Variants in HMCN2 observed in about 807,000 individuals in gnomAD.
HMCN2 encodes the protein hemicentin 2.
Under a neutral mutation model 377.5 loss-of-function variants are expected in HMCN2, and 325 were observed. The ratio of observed to expected loss-of-function variants is 0.86; its 90% CI spans 0.79 to 0.94. The LOEUF (loss-of-function observed/expected upper bound fraction) is 0.94, where lower values mean the gene tolerates loss of function less well. Among genes scored for constraint, HMCN2 ranks in the 40% least tolerant of loss-of-function variants. The pLI, the probability that HMCN2 is intolerant of heterozygous loss-of-function variation, is 0.00. For synonymous variants in HMCN2, 2,007 were observed against 2,046.8 expected (o/e 0.98, Z 0.53); for missense variants, 4,543 against 4,725.3 (o/e 0.96, Z 1.13).
At chr9:130,301,096 G>A (rs980613073) in intron 8 of HMCN2, among the ~76,000 whole-genome samples, 26 of 152,348 alleles carry the variant, frequency 1.7e-4, no homozygotes, top group Non-Finnish European at 1.5e-4. Flanking sequence ...GGCTGGCCAC[G>A]GTGCCCATCG....
Position 130,303,674 on chromosome 9 carries a change from A to C in HMCN2, c.1543+66A>C. On this transcript the variant is annotated intron_variant, in intron 10 of 97. Transcript: ENST00000683500. The surrounding 1 kb of genome is among the most constrained non-coding windows in gnomAD (Gnocchi z 5.2). ...CTCTTCTTGGGTTCTTACCCCTAGG[A>C]TTTCCTCCAGGCGAGTCTCCAGCCA... 1 of 207,726 alleles carries C rather than the reference A, an allele frequency of 4.8e-6. No homozygotes were observed. The highest frequency in any genetic ancestry group is 1.1e-5 in the Non-Finnish European group (1 of 88,818). 12.9% of individuals were successfully genotyped at this position (207,726 alleles called of 1,614,324 possible). A position where few individuals can be genotyped will look rare whatever the true frequency, so the allele number is the denominator to read the frequency against.
At position 130,365,737 on chromosome 9, in the gene HMCN2, T is replaced by G. The variant is rs188567219; in HGVS notation, c.6505+10T>G. 1.1e-5 allele frequency: 11 copies of G among 984,936 alleles called. No homozygotes were observed. Among genetic ancestry groups the G allele is most frequent in the Non-Finnish European group, 1.3e-5 (11 of 829,042 alleles). 61.0% of individuals were successfully genotyped at this position (984,936 alleles called of 1,614,324 possible). On this transcript the variant is annotated intron_variant, in intron 42 of 97. Coordinates refer to ENST00000683500, the MANE Select transcript of HMCN2 (RefSeq NM_001291815.2). ...AATCTGAACGTCTGGGGTGAGGGTC[T>G]CCCAGGCTGGGCAGGGGGAGGGGGC...
chr9:130,358,653 T>C (rs910267219), intron 36 of HMCN2, among the ~76,000 whole-genome samples, 167 bp downstream of exon 36: 1 of 151,440 alleles, frequency 6.6e-6, no homozygotes, highest in Non-Finnish European at 1.5e-5. Context: ...GTGTTAGCAA[T>C]AGCTGTGTAG....
At chr9:130,340,708 G>A (rs1199317434) in intron 23 of HMCN2, among the ~76,000 whole-genome samples, 3 of 152,120 alleles carry the variant, frequency 2.0e-5, no homozygotes, top group Non-Finnish European at 4.4e-5. Context: ...TAGTAGAGAT[G>A]GGTTTCGCCA....
intron 22 of HMCN2, among the ~76,000 whole-genome samples, chr9:130,330,961 C>G (rs1468412325): frequency 9.8e-6 from 1 of 101,908 alleles, no homozygotes; most frequent in Non-Finnish European, 2.0e-5. Flanking sequence ...AACCCTGTCT[C>G]TACTGAAACA....
At chr9:130,430,036 G>A (rs1588452048) in intron 94 of HMCN2, 2 of 602,266 alleles carry the variant, frequency 3.3e-6, no homozygotes, top group Admixed American at 6.0e-5. Context: ...CTGAAGGGCT[G>A]AGGGGGAGCT....
At chr9:130,355,900 C>G in intron 33 of HMCN2, 46 bp downstream of exon 33, 19 of 1,162,878 alleles carry the variant, frequency 1.6e-5, no homozygotes, top group Non-Finnish European at 2.2e-5. Context: ...AGGCAGAGAG[C>G]GTGTGCTTTG....
At chr9:130,302,133 C>T (rs535990707) in intron 8 of HMCN2, among the ~76,000 whole-genome samples, 16 of 151,976 alleles carry the variant, frequency 1.1e-4, no homozygotes, top group African/African-American at 3.9e-4. Flanking sequence ...TCTCCGCCTC[C>T]CGGATCCCAG....
At chr9:130,368,729 T>G (rs1588325425) in intron 44 of HMCN2, among the ~76,000 whole-genome samples, 1 of 151,890 alleles carries the variant, frequency 6.6e-6, no homozygotes, top group Admixed American at 6.6e-5. Flanking sequence ...ACGCCTTACA[T>G]GTCGGCAGGA....
intron 4 of HMCN2, among the ~76,000 whole-genome samples, chr9:130,292,356 C>T (rs782293122): frequency 2.0e-5 from 3 of 152,172 alleles, no homozygotes; most frequent in Non-Finnish European, 4.4e-5. Context: ...GGACTCTTGC[C>T]TGAAATGATA....
chr9:130,372,456 T>C (rs1841075785), intron 47 of HMCN2, 49 bp downstream of exon 47: 3 of 741,700 alleles, frequency 4.0e-6, no homozygotes, highest in Admixed American at 6.3e-5. Context: ...TCTTCCCCAC[T>C]GCCTGGGAGC....
chr9:130,425,125 G>C lies in HMCN2; in HGVS notation c.13636G>C (p.Val4546Leu). Residue 4546 changes from valine to leucine, a missense_variant, in exon 89 of 98, where the codon GTG becomes CTG. Coordinates refer to ENST00000683500, the MANE Select transcript of HMCN2 (RefSeq NM_001291815.2). ...PESLADADLQ[V>L]QDFEEHYVQT... ...GAGCCTGGCTGACGCAGATCTTCAAGTGCAGGTCGGGGGTCAAGCCCTGGG... is the reference window on the plus strand; with the variant it reads ...GAGCCTGGCTGACGCAGATCTTCAACTGCAGGTCGGGGGTCAAGCCCTGGG... 6.5e-7 allele frequency: 1 copy of C among 1,548,132 alleles called. No homozygotes were observed. The highest frequency in any genetic ancestry group is 8.7e-7 in the Non-Finnish European group (1 of 1,145,890).
At chr9:130,364,554 A>G (rs910205550) in intron 40 of HMCN2, among the ~76,000 whole-genome samples, 160 bp from the exon 41 acceptor site, 3 of 152,206 alleles carry the variant, frequency 2.0e-5, no homozygotes, top group Admixed American at 6.5e-5. Context: ...ATATCGTGAC[A>G]ATTTTACTCA....
chr9:130,301,260 C>G (rs184818360), intron 8 of HMCN2, among the ~76,000 whole-genome samples: 111 of 152,338 alleles, frequency 7.3e-4, no homozygotes, highest in African/African-American at 2.6e-3. Flanking sequence ...GCCTTTGCAG[C>G]CTTGAGGAGG....
At chr9:130,326,573 T>G (rs1234685270) in intron 21 of HMCN2, among the ~76,000 whole-genome samples, 2 of 151,598 alleles carry the variant, frequency 1.3e-5, no homozygotes, top group East Asian at 3.9e-4. Context: ...CAGTCAATAT[T>G]TTTATATTGT....
At chr9:130,343,313 G>A (rs1441092116) in intron 25 of HMCN2, among the ~76,000 whole-genome samples, 1 of 152,238 alleles carries the variant, frequency 6.6e-6, no homozygotes, top group African/African-American at 2.4e-5. Context: ...GCAAGTGGCA[G>A]GTCACCAAAG....
intron 94 of HMCN2, chr9:130,429,909 A>C: frequency 1.2e-6 from 1 of 818,752 alleles, no homozygotes; most frequent in Non-Finnish European, 1.8e-6. Flanking sequence ...GTGCACCAAA[A>C]CCTCAGCCTG....
In HMCN2 at chr9:130,369,529, C is replaced by T. The variant is rs1383840369; in HGVS notation, c.6788-41C>T. On this transcript the variant is annotated intron_variant, in intron 44 of 97. Transcript: ENST00000683500. This position sits in a 1 kb window ranked among gnomAD's most constrained non-coding sequence, Gnocchi z 4.5. ...GGTAAGTGTGTGGTGCCTGGTGGCCCCAGCAGCTTTCTCTGATGGGCTTTC... is the reference window on the plus strand; with the variant it reads ...GGTAAGTGTGTGGTGCCTGGTGGCCTCAGCAGCTTTCTCTGATGGGCTTTC... The T allele has an allele frequency of 2.0e-6, 2 of 981,728 alleles. No homozygotes were observed. The highest frequency in any genetic ancestry group is 1.1e-4 in the East Asian group (1 of 8,786). 60.8% of individuals were successfully genotyped at this position (981,728 alleles called of 1,614,324 possible).
At chr9:130,409,818 T>C (rs1287027591) in intron 84 of HMCN2, among the ~76,000 whole-genome samples, 1 of 152,210 alleles carries the variant, frequency 6.6e-6, no homozygotes, top group Non-Finnish European at 1.5e-5. Flanking sequence ...CCTCCAAACC[T>C]ACACTCTTAA....
Sources: allele counts gnomAD v4.1 joint callset (sites outside exome capture counted in the v4.1 genomes callset), GRCh38; gene constraint gnomAD v4.1.1; non-coding constraint Gnocchi (gnomAD v3.1); transcripts MANE v1.5; gene names NCBI Gene and HGNC (gene_info 2026-07-23, HGNC 2026-07-21).